Variants in GABBR2 observed in about 807,000 individuals in gnomAD.
GABBR2 encodes the protein gamma-aminobutyric acid type B receptor subunit 2, also known as G-protein coupled receptor 51.
In GABBR2, 23 loss-of-function variants were observed where a neutral mutation model predicts 105.6. The ratio of observed to expected loss-of-function variants is 0.22; its 90% CI spans 0.16 to 0.31. GABBR2 has a LOEUF of 0.31. Ranked by LOEUF, GABBR2 falls within the 10% of genes least tolerant of loss-of-function variation. The pLI is 1.00. For synonymous variants in GABBR2, 478 were observed against 499.7 expected (o/e 0.96, Z 0.58); for missense variants, 734 against 1,245.5 (o/e 0.59, Z 6.18).
intron 7 of GABBR2, among the ~76,000 whole-genome samples, chr9:98,450,412 A>G (rs1463023170): frequency 1.3e-5 from 2 of 152,128 alleles, no homozygotes; most frequent in South Asian, 2.1e-4. Flanking sequence ...CCTGTCTACA[A>G]CCCAGTGACA....
chr9:98,542,098 C>G, intron 2 of GABBR2, 55 bp from the exon 3 acceptor site: 1 of 1,468,866 alleles, frequency 6.8e-7, no homozygotes, highest in Non-Finnish European at 9.4e-7. Context: ...CAGCTGTGAC[C>G]CAGCATCTTT....
chr9:98,503,205 T>A (rs112798726), intron 3 of GABBR2, among the ~76,000 whole-genome samples: 1 of 152,072 alleles, frequency 6.6e-6, no homozygotes, highest in Non-Finnish European at 1.5e-5. Context: ...AGGAGCAGCA[T>A]GTGTACTTCC....
chr9:98,562,596 T>G (rs574564915), intron 2 of GABBR2, among the ~76,000 whole-genome samples: 6 of 152,196 alleles, frequency 3.9e-5, no homozygotes, highest in African/African-American at 9.6e-5. Flanking sequence ...AGCGTGTGTG[T>G]GGGGGTGGTG....
chr9:98,307,394 C>T (rs190720925), intron 14 of GABBR2, among the ~76,000 whole-genome samples: 4 of 152,102 alleles, frequency 2.6e-5, no homozygotes, highest in African/African-American at 9.7e-5. Flanking sequence ...GGAGGAAGAG[C>T]CAAGATGGCT....
chr9:98,534,955 CA>C (rs112730726), intron 3 of GABBR2, among the ~76,000 whole-genome samples: 2 of 152,014 alleles, frequency 1.3e-5, no homozygotes. Flanking sequence ...TTAATAATTG[CA>C]AAAAAATGAG....
At chr9:98,589,701 G>C (rs1315472280) in intron 1 of GABBR2, among the ~76,000 whole-genome samples, 2 of 148,122 alleles carry the variant, frequency 1.4e-5, no homozygotes, top group Non-Finnish European at 3.0e-5. Context: ...GGTATGCTGA[G>C]TTTGGCTGTC....
chr9:98,585,505 T>A (rs4556199), intron 1 of GABBR2, among the ~76,000 whole-genome samples: 3 of 117,888 alleles, frequency 2.5e-5, no homozygotes, highest in South Asian at 3.5e-4. Context: ...GTGGGGGGAG[T>A]GGGGAGGGAT....
At chr9:98,431,508 A>G (rs1825808369) in intron 7 of GABBR2, among the ~76,000 whole-genome samples, 2 of 152,086 alleles carry the variant, frequency 1.3e-5, no homozygotes, top group South Asian at 4.1e-4. Flanking sequence ...CCACATAAGC[A>G]CAGTTATGAA....
intron 11 of GABBR2, among the ~76,000 whole-genome samples, chr9:98,372,574 A>T (rs926750568): frequency 1.3e-5 from 2 of 152,244 alleles, no homozygotes; most frequent in Non-Finnish European, 2.9e-5. Flanking sequence ...AGAGGCAGCC[A>T]GGCTGCAGCA....
intron 12 of GABBR2, among the ~76,000 whole-genome samples, chr9:98,368,222 G>C (rs1379715010): frequency 6.8e-6 from 1 of 148,114 alleles, no homozygotes. Flanking sequence ...CCTCATACCC[G>C]TTAAGGGACT....
intron 6 of GABBR2, among the ~76,000 whole-genome samples, chr9:98,460,927 A>G (rs547926185): frequency 6.6e-6 from 1 of 152,264 alleles, no homozygotes; most frequent in Non-Finnish European, 1.5e-5. Context: ...CATTACTTCA[A>G]AAGAGCAATA....
At chr9:98,510,069 C>T (rs1042902030) in intron 3 of GABBR2, among the ~76,000 whole-genome samples, 12 of 152,366 alleles carry the variant, frequency 7.9e-5, no homozygotes, top group Admixed American at 3.3e-4. Context: ...AACAGCTGAT[C>T]TCTCAGCAGA....
Position 98,316,793 on chromosome 9 carries a change from A to G in GABBR2, c.1894-5588T>C, listed in dbSNP as rs115176017. ...CTACACCCGTCATCTTGTTGAAGTC[A>G]CAAAAATCCAACAAGGTGTTATACT... is the stretch of plus-strand genomic sequence containing the variant. On this transcript the variant is annotated intron_variant, in intron 13 of 18. Coordinates refer to ENST00000259455, the MANE Select transcript of GABBR2 (RefSeq NM_005458.8). Among the ~76,000 whole-genome samples the G allele has an allele frequency of 4.8e-3, 730 of 152,318 alleles. 7 individuals carry two copies. The highest frequency in any genetic ancestry group is 0.017 in the African/African-American group (693 of 41,556).
At chr9:98,364,908 T>A (rs1042614601) in intron 12 of GABBR2, among the ~76,000 whole-genome samples, 2 of 152,160 alleles carry the variant, frequency 1.3e-5, no homozygotes, top group Admixed American at 1.3e-4. Context: ...GCTGGGGCAG[T>A]GGATTTCTAA....
At position 98,708,437 on chromosome 9, in the gene GABBR2, G is replaced by A. The variant is rs774870618; in HGVS notation, c.301C>T (p.Leu101=). ...CTCACCTCCGTGTCATAGAGCCGCA[G>A]GTCGAGGAAGTAGGGGCGCAGGAGT... The part of the protein sequence containing the change: ...ESLLRPYFLD[L]RLYDTECDNA... Residue 101 remains leucine (L), a synonymous_variant, in exon 1 of 19, where the codon CTG becomes TTG. Transcript: ENST00000259455. 3 of 1,537,752 alleles carry A rather than the reference G, an allele frequency of 2.0e-6. No individual in the cohort carries two copies. Among genetic ancestry groups the A allele is most frequent in the Non-Finnish European group, 2.6e-6 (3 of 1,136,446 alleles).
chr9:98,507,978 G>T (rs1018460253), intron 3 of GABBR2, among the ~76,000 whole-genome samples: 2 of 152,122 alleles, frequency 1.3e-5, no homozygotes, highest in Non-Finnish European at 2.9e-5. Flanking sequence ...AGGAGCAGTC[G>T]GTGAAGTCAG....
chr9:98,498,562 G>A (rs1037475233), intron 3 of GABBR2, among the ~76,000 whole-genome samples: 1 of 152,152 alleles, frequency 6.6e-6, no homozygotes, highest in Non-Finnish European at 1.5e-5. Context: ...TTATTTCTTT[G>A]ACAGAAATAT....
Position 98,362,798 on chromosome 9 carries a change from T to C in GABBR2, c.1810A>G (p.Met604Val), listed in dbSNP as rs757437973. The C allele has an allele frequency of 1.2e-6, 2 of 1,600,014 alleles. No homozygotes were observed. The highest frequency in any genetic ancestry group is 3.5e-5 in the Admixed American group (2 of 57,862). Residue 604 changes from methionine to valine, a missense_variant, in exon 13 of 19, where the codon ATG becomes GTG. Met to Val is a conservative substitution (Grantham distance 21, BLOSUM62 1). Around this residue, in one of 7 missense-constraint regions of GABBR2, gnomAD observed 52 missense variants for 81.3 expected, o/e 0.64. Transcript: ENST00000259455. ...AGGATACACAGGTCGATCAGCAGCA[T>C]GCCCCCCACGATCACAAGCAGTTTC... ...DQKLLVIVGG[M>V]LLIDLCILIC... is the part of the protein sequence containing the mutation.
intron 3 of GABBR2, among the ~76,000 whole-genome samples, chr9:98,509,625 A>G (rs1827593946): frequency 6.6e-6 from 1 of 152,272 alleles, no homozygotes; most frequent in Non-Finnish European, 1.5e-5. Flanking sequence ...TGACGAATGC[A>G]CAAACCTCAG....
Sources: allele counts gnomAD v4.1 joint callset (sites outside exome capture counted in the v4.1 genomes callset), GRCh38; gene constraint gnomAD v4.1.1; regional missense constraint gnomAD v4.1.1; transcripts MANE v1.5; gene names NCBI Gene and HGNC (gene_info 2026-07-23, HGNC 2026-07-21).